USP22: variants seen among roughly 807,000 people sequenced by gnomAD.
The protein encoded by USP22 is ubiquitin carboxyl-terminal hydrolase 22.
A neutral mutation model predicts 68.1 loss-of-function variants in USP22; 22 were observed. The observed-to-expected ratio is 0.32, with a 90% CI of 0.23 to 0.46. The LOEUF is 0.46. Among genes scored for constraint, USP22 ranks in the 20% least tolerant of loss-of-function variants. The probability of loss-of-function intolerance (pLI) is 1.00; values close to 1 mark genes in which losing one functional copy is unlikely to be tolerated. For synonymous variants in USP22, 279 were observed against 274.2 expected, an observed-to-expected ratio of 1.02 and a Z score of -0.17; for missense variants, 433 against 695.8, an observed-to-expected ratio of 0.62 and a Z score of 4.25.
chr17:21,008,447 C>A (rs1913845485), intron 8 of USP22, among the ~76,000 whole-genome samples: 1 of 152,116 alleles, frequency 6.6e-6, no homozygotes, highest in Non-Finnish European at 1.5e-5. Context: ...AAGGAAGGAA[C>A]TACTGATCCC....
At chr17:21,043,303 C>CCCCCCCCCCCCCCCCCCCCCG (rs1567596626), upstream of USP22, 1 of 53,672 alleles carries the variant, frequency 1.9e-5, no homozygotes, top group Non-Finnish European at 5.1e-5. Context: ...TAGGCCACCC[C>CCCCCCCCCCCCCCCCCCCCCG]CCCCCCCCCC....
intron 1 of USP22, among the ~76,000 whole-genome samples, chr17:21,032,666 G>A (rs1038335230): frequency 1.3e-5 from 2 of 152,136 alleles, no homozygotes; most frequent in Admixed American, 6.5e-5. Flanking sequence ...ACAGCCAGGC[G>A]TGTTGGCTCA....
intron 8 of USP22, among the ~76,000 whole-genome samples, chr17:21,009,927 CCTGCACTCTAGA>C (rs1308838795): frequency 6.6e-6 from 1 of 151,564 alleles, no homozygotes; most frequent in Non-Finnish European, 1.5e-5. Context: ...TGCACTCCAG[CCTGCACTCTAGA>C]AAGAGCGAGA....
chr17:21,038,523 C>T (rs1428723871), intron 1 of USP22, among the ~76,000 whole-genome samples: 1 of 152,072 alleles, frequency 6.6e-6, no homozygotes, highest in African/African-American at 2.4e-5. Flanking sequence ...CAAAAATTAG[C>T]CAGGTGCGGT....
chr17:21,024,775 T>A (rs558785413), intron 2 of USP22, among the ~76,000 whole-genome samples: 136 of 152,106 alleles, frequency 8.9e-4, no homozygotes, highest in African/African-American at 3.1e-3. Context: ...AAGATAAGCC[T>A]TGGAAACATG....
intron 5 of USP22, among the ~76,000 whole-genome samples, chr17:21,017,296 G>A (rs143056702): frequency 0.017 from 2,610 of 152,294 alleles, 62 homozygotes; most frequent in African/African-American, 0.058. Flanking sequence ...CCTGTGCAAG[G>A]CACCTGAAGA....
At chr17:21,023,376 G>A (rs577346758) in intron 2 of USP22, among the ~76,000 whole-genome samples, 8 of 152,206 alleles carry the variant, frequency 5.3e-5, no homozygotes, top group East Asian at 1.9e-4. Context: ...AGAGAAACCC[G>A]GCGTGGTGGC....
At chr17:21,015,570 G>T (rs1347254993) in intron 6 of USP22, 182 bp downstream of exon 6, 4 of 797,712 alleles carry the variant, frequency 5.0e-6, no homozygotes, top group Non-Finnish European at 7.3e-6. Flanking sequence ...ACTAGGAGGA[G>T]CCTCTCTGAG....
chr17:21,018,713 A>AG (rs1972118890), intron 4 of USP22, among the ~76,000 whole-genome samples: 1 of 151,556 alleles, frequency 6.6e-6, no homozygotes, highest in Non-Finnish European at 1.5e-5. Context: ...AGAAAAAGAA[A>AG]AAGTTTTAAA....
chr17:21,003,540 C>G (rs1234158793), intron 12 of USP22, among the ~76,000 whole-genome samples: 1 of 152,192 alleles, frequency 6.6e-6, no homozygotes, highest in East Asian at 1.9e-4. Context: ...GTCCCCCTGA[C>G]CCCTGGAGGG....
intron 10 of USP22, among the ~76,000 whole-genome samples, chr17:21,005,851 C>A (rs1285027059): frequency 6.6e-6 from 1 of 152,214 alleles, no homozygotes; most frequent in African/African-American, 2.4e-5. Context: ...TTTGCAGAGA[C>A]TCAAAGTAAA....
At chr17:21,022,159 A>G (rs765765088) in intron 2 of USP22, among the ~76,000 whole-genome samples, 1 of 152,170 alleles carries the variant, frequency 6.6e-6, no homozygotes, top group Non-Finnish European at 1.5e-5. Flanking sequence ...TTTCACAAAT[A>G]AGAAGAGATA....
intron 5 of USP22, 133 bp from the exon 6 acceptor site, chr17:21,016,032 C>T: frequency 8.2e-7 from 1 of 1,218,832 alleles, no homozygotes; most frequent in Non-Finnish European, 1.1e-6. Context: ...TTGGATTTTA[C>T]TTTTCTACTT....
At chr17:21,035,538 C>T (rs1372593817) in intron 1 of USP22, among the ~76,000 whole-genome samples, 2 of 150,622 alleles carry the variant, frequency 1.3e-5, no homozygotes, top group East Asian at 1.9e-4. Flanking sequence ...AACCACAACA[C>T]TTTGAACTTC....
rs2143678826 is a variant in USP22, at chr17:21,042,806, C to T, written c.30G>A (p.Glu10=). The T allele has an allele frequency of 2.0e-6, 3 of 1,465,624 alleles. No individual in the cohort carries two copies. The highest frequency in any genetic ancestry group is 2.7e-6 in the Non-Finnish European group (3 of 1,108,124). The allele number at this position is 1,465,624 out of a possible 1,614,324, so 90.8% of individuals were successfully genotyped here. ...CTACCGCCAGCTCGGCGTCCATGGCCTCGCCCTCGGGCTCTGGCCGGGACA... is the reference window on the plus strand; with the variant it reads ...CTACCGCCAGCTCGGCGTCCATGGCTTCGCCCTCGGGCTCTGGCCGGGACA... MVSRPEPEG[E]AMDAELAVAP... The change falls in exon 1 of 13, where the codon GAG becomes GAA. Residue 10 remains glutamate, a synonymous_variant. Transcript: ENST00000261497.
intron 8 of USP22, 71 bp downstream of exon 8, chr17:21,011,080 C>T (rs1208242897): frequency 2.0e-6 from 3 of 1,513,376 alleles, no homozygotes; most frequent in East Asian, 2.3e-5. Context: ...AAGAGCCCTG[C>T]TTTGGTCCTG....
chr17:21,007,781 G>A (rs928794275), intron 9 of USP22, 89 bp downstream of exon 9: 1 of 1,502,298 alleles, frequency 6.7e-7, no homozygotes, highest in East Asian at 2.3e-5. Flanking sequence ...TATAAAAAAT[G>A]TAACTGCACA....
intron 1 of USP22, among the ~76,000 whole-genome samples, chr17:21,034,251 A>G (rs1972327716): frequency 6.6e-6 from 1 of 152,220 alleles, no homozygotes; most frequent in Admixed American, 6.5e-5. Flanking sequence ...GGGTAATTTC[A>G]TTCAGCAAAG....
At chr17:21,003,761 G>C (rs8066393) in intron 12 of USP22, among the ~76,000 whole-genome samples, 2 of 151,576 alleles carry the variant, frequency 1.3e-5, no homozygotes, top group African/African-American at 4.8e-5. Context: ...GTAGGCAGGC[G>C]TGATGGTGCA....
Sources: allele counts gnomAD v4.1 joint callset (sites outside exome capture counted in the v4.1 genomes callset), GRCh38; gene constraint gnomAD v4.1.1; transcripts MANE v1.5; gene names NCBI Gene and HGNC (gene_info 2026-07-23, HGNC 2026-07-21).